UGT1A4: variants seen among roughly 807,000 people sequenced by gnomAD.
UGT1A4 encodes the protein UDP-glucuronosyltransferase 1A4.
In UGT1A4, 32 loss-of-function variants were observed where a neutral mutation model predicts 41.1. The ratio of observed to expected loss-of-function variants is 0.78; its 90% CI spans 0.59 to 1.05. UGT1A4 has a LOEUF of 1.05. Among genes scored for constraint, UGT1A4 ranks in the 50% least tolerant of loss-of-function variants. The probability of loss-of-function intolerance (pLI) is 0.00; values close to 1 mark genes in which losing one functional copy is unlikely to be tolerated. For missense variants in UGT1A4, 748 were observed against 677.4 expected (o/e 1.10, Z -1.16); for synonymous variants, 283 against 265.1 (o/e 1.07, Z -0.66).
In UGT1A4 at chr2:233,767,139, G is replaced by C; in HGVS notation, c.973G>C (p.Asp325His). Residue 325 changes from aspartate to histidine, a missense_variant, in exon 2 of 5, where the codon GAT becomes CAT. Asp to His is a moderately conservative substitution (Grantham distance 81). Transcript: ENST00000373409. Reference protein sequence around the residue: ...IPEKKAMAIADALGKIPQTVL... With the variant: ...IPEKKAMAIAHALGKIPQTVL... Reference sequence around the variant, plus strand: ...AGAGAAGAAAGCTATGGCAATTGCTGATGCTTTGGGCAAAATCCCTCAGAC... The same window carrying C: ...AGAGAAGAAAGCTATGGCAATTGCTCATGCTTTGGGCAAAATCCCTCAGAC... 6.2e-7 allele frequency: 1 copy of C among 1,614,104 alleles called. No individual in the cohort carries two copies. The highest frequency in any genetic ancestry group is 1.7e-4 in the Middle Eastern group (1 of 6,060).
Position 233,768,314 on chromosome 2 carries a change from G to GT in UGT1A4, c.1185dup (p.Gly396TrpfsTer2). 1 of 1,614,180 alleles carries GT rather than the reference G, an allele frequency of 6.2e-7. No individual in the cohort carries two copies. Among genetic ancestry groups the GT allele is most frequent in the Non-Finnish European group, 8.5e-7 (1 of 1,180,040 alleles). ...GCGTTCCCATGGTGATGATGCCCTTGTTTGGTGATCAGATGGACAATGCAA... is the reference window on the plus strand; with the variant it reads ...GCGTTCCCATGGTGATGATGCCCTTGTTTTGGTGATCAGATGGACAATGCAA... On this transcript the variant is annotated frameshift_variant, in exon 4 of 5. Transcript: ENST00000373409. LOFTEE classifies it high-confidence loss of function.
At chr2:233,751,971 G>A (rs1694860296) in intron 1 of UGT1A4, among the ~76,000 whole-genome samples, 1 of 152,158 alleles carries the variant, frequency 6.6e-6, no homozygotes, top group Non-Finnish European at 1.5e-5. Context: ...TCTGAGAAAA[G>A]GAAATGAATC....
rs371183955 is a variant in UGT1A4, at chr2:233,772,416, C to T, written c.1462C>T (p.His488Tyr). 1.7e-5 allele frequency: 28 copies of T among 1,614,228 alleles called. 1 individual carries two copies. The East Asian group carries it at 2.5e-4, about 14-fold the overall frequency. ...AAHDLTWYQY[H>Y]SLDVIGFLLA... ...CCACGACCTCACCTGGTACCAGTAC[C>T]ATTCCTTGGACGTGATTGGTTTCCT... Residue 488 changes from histidine to tyrosine, a missense_variant, in exon 5 of 5, where the codon CAT becomes TAT. Transcript: ENST00000373409.
intron 1 of UGT1A4, among the ~76,000 whole-genome samples, chr2:233,759,217 A>T (rs1421776019): frequency 1.3e-5 from 2 of 152,292 alleles, no homozygotes; most frequent in East Asian, 3.9e-4. Flanking sequence ...AGGTCCATTT[A>T]TGCAAATGAA....
At chr2:233,734,256 G>A (rs1200658913) in intron 1 of UGT1A4, among the ~76,000 whole-genome samples, 1 of 151,990 alleles carries the variant, frequency 6.6e-6, no homozygotes, top group Non-Finnish European at 1.5e-5. Flanking sequence ...GTCTTGGGAG[G>A]GTGTATGTGT....
intron 1 of UGT1A4, 110 bp from the exon 2 acceptor site, chr2:233,766,924 A>G (rs985684086): frequency 6.4e-7 from 1 of 1,565,332 alleles, no homozygotes; most frequent in Admixed American, 1.9e-5. Flanking sequence ...TCAAACACGC[A>G]TGCCTTTAAT....
chr2:233,718,776 G>C lies in UGT1A4; in HGVS notation c.-45G>C. 2 of 1,612,920 alleles carry C rather than the reference G, an allele frequency of 1.2e-6. No homozygotes were observed. Among genetic ancestry groups the C allele is most frequent in the Non-Finnish European group, 1.7e-6 (2 of 1,180,000 alleles). ...AAGGCGAAGGAAACAAATGTAGCAG[G>C]CACAGCGTGGGGTGGACAGTCAGCT... On this transcript the variant is annotated 5_prime_UTR_variant, in exon 1 of 5. Coordinates refer to ENST00000373409, the MANE Select transcript of UGT1A4 (RefSeq NM_007120.3).
chr2:233,758,519 G>T (rs1221365461), intron 1 of UGT1A4, among the ~76,000 whole-genome samples: 1 of 152,226 alleles, frequency 6.6e-6, no homozygotes. Context: ...ACAACAAAGA[G>T]TGAAAGCATT....
At chr2:233,721,300 TA>T in intron 1 of UGT1A4, among the ~76,000 whole-genome samples, 1 of 152,206 alleles carries the variant, frequency 6.6e-6, no homozygotes, top group Non-Finnish European at 1.5e-5. Flanking sequence ...GGCATTTGAA[TA>T]GTGATTGTGG....
At chr2:233,766,573 T>A (rs1699187468) in intron 1 of UGT1A4, among the ~76,000 whole-genome samples, 1 of 152,150 alleles carries the variant, frequency 6.6e-6, no homozygotes, top group Non-Finnish European at 1.5e-5. Context: ...TGGGCACAGG[T>A]CTGGGGGTGG....
At chr2:233,719,789 A>T in intron 1 of UGT1A4, 102 bp downstream of exon 1, 1 of 1,609,250 alleles carries the variant, frequency 6.2e-7, no homozygotes, top group South Asian at 1.1e-5. Context: ...CTTTCCAAAG[A>T]TTTTATTTTG....
At chr2:233,733,652 A>C (rs2078424412) in intron 1 of UGT1A4, among the ~76,000 whole-genome samples, 1 of 152,240 alleles carries the variant, frequency 6.6e-6, no homozygotes, top group Non-Finnish European at 1.5e-5. Flanking sequence ...CCCAAGGATG[A>C]AGCCGACTTG....
At chr2:233,724,475 T>A (rs568755731) in intron 1 of UGT1A4, among the ~76,000 whole-genome samples, 8 of 68,812 alleles carry the variant, frequency 1.2e-4, no homozygotes, top group Non-Finnish European at 1.5e-4. Flanking sequence ...GGCTCCTCAC[T>A]TCTCAGACGG....
At chr2:233,735,449 C>T (rs1176154761) in intron 1 of UGT1A4, among the ~76,000 whole-genome samples, 6 of 152,110 alleles carry the variant, frequency 3.9e-5, no homozygotes, top group Admixed American at 1.3e-4. Flanking sequence ...ACCGATGGGC[C>T]TTGACTCTTT....
chr2:233,760,180 T>C (rs1376949252), intron 1 of UGT1A4: 1 of 1,548,272 alleles, frequency 6.5e-7, no homozygotes, highest in Non-Finnish European at 8.7e-7. Flanking sequence ...GACAGCTTTT[T>C]ATAGTCACGT....
intron 1 of UGT1A4, chr2:233,760,232 C>T: frequency 1.4e-6 from 2 of 1,429,080 alleles, no homozygotes; most frequent in South Asian, 2.6e-5. Flanking sequence ...TTGGTTTTTG[C>T]CATATATATA....
intron 1 of UGT1A4, among the ~76,000 whole-genome samples, chr2:233,731,521 G>T (rs1358049437): frequency 1.3e-5 from 2 of 152,162 alleles, no homozygotes; most frequent in African/African-American, 2.4e-5. Context: ...ACCTATGAGT[G>T]AGAACATGCG....
In UGT1A4 at chr2:233,718,987, A is replaced by G. The variant is rs1226240136; in HGVS notation, c.167A>G (p.His56Arg). Residue 56 changes from histidine to arginine, a missense_variant, in exon 1 of 5, where the codon CAC (histidine) becomes CGC (arginine). His to Arg is a conservative substitution (Grantham distance 29). Transcript: ENST00000373409. ...TTGCGGGAGCTCCATGCCAGAGGCC[A>G]CCAGGCGGTGGTCCTCACCCCAGAG... ...EALRELHARG[H>R]QAVVLTPEVN... 6.2e-7 allele frequency: 1 copy of G among 1,614,246 alleles called. No individual in the cohort carries two copies. Among genetic ancestry groups the G allele is most frequent in the East Asian group, 2.2e-5 (1 of 44,884 alleles).
chr2:233,736,282 T>A lies in UGT1A4; in HGVS notation c.867+16595T>A, dbSNP rs1290263740. ...ATTTGATCTTCAGTCACTGATACCC[T>A]TTCTTCCAGTTGCTCTAATCAGCTA... On this transcript the variant is annotated intron_variant, in intron 1 of 4. Coordinates refer to ENST00000373409, the MANE Select transcript of UGT1A4 (RefSeq NM_007120.3). Among the ~76,000 whole-genome samples the A allele has an allele frequency of 2.6e-5, 4 of 152,226 alleles. No individual in the cohort carries two copies. The East Asian group carries it at 7.7e-4, about 29-fold the overall frequency.
Sources: gnomAD v4.1 joint callset for allele counts (sites outside exome capture counted in the v4.1 genomes callset) on GRCh38, gnomAD v4.1.1 for gene constraint, MANE v1.5 for transcripts, NCBI Gene and HGNC (gene_info 2026-07-23, HGNC 2026-07-21) for gene names.